Variants in SELENOS observed in about 807,000 individuals in gnomAD.
SELENOS encodes the protein selenoprotein S.
SELENOS carries 37 observed loss-of-function variants against 30.2 expected under a neutral mutation model. The observed-to-expected ratio is 1.23, with a 90% confidence interval of 0.94 to 1.61. SELENOS has a LOEUF of 1.61. Among genes scored for constraint, SELENOS ranks in the 40% most tolerant of loss-of-function variants. The pLI is 0.00. For synonymous variants in SELENOS, 119 were observed against 91.6 expected, an observed-to-expected ratio of 1.30 and a Z score of -1.71; for missense variants, 289 against 231.8, an observed-to-expected ratio of 1.25 and a Z score of -1.60.
intron 3 of SELENOS, 168 bp from the exon 4 acceptor site, chr15:101,274,849 A>AC: frequency 8.1e-6 from 6 of 740,046 alleles, no homozygotes; most frequent in Non-Finnish European, 1.3e-5. Flanking sequence ...TTTAACTCAC[A>AC]TAGAGCAGCT....
Position 101,277,360 on chromosome 15 carries a change from G to C in SELENOS, c.58C>G (p.Arg20Gly). ...ARPALETEGL[R>G]FLHTTVGSLL... Reference sequence around the variant, plus strand: ...GACTCACCCGTGGTGTGCAGGAAGCGCAGCCCCTCGGTCTCCAGGGCCGGC... The same window carrying C: ...GACTCACCCGTGGTGTGCAGGAAGCCCAGCCCCTCGGTCTCCAGGGCCGGC... The change falls in exon 1 of 6, where the codon CGC becomes GGC. Residue 20 changes from arginine (R) to glycine (G), a missense_variant. By Grantham distance (125) the Arg-to-Gly change is moderately radical. Transcript: ENST00000526049. The C allele has an allele frequency of 2.6e-6, 4 of 1,513,986 alleles. No individual in the cohort carries two copies. The highest frequency in any genetic ancestry group is 2.6e-6 in the Non-Finnish European group (3 of 1,138,836). 93.8% of individuals were successfully genotyped at this position (1,513,986 alleles called of 1,614,324 possible).
In SELENOS at chr15:101,275,470, G is replaced by A. The variant is rs1009871536; in HGVS notation, c.212-109C>T. On this transcript the variant is annotated intron_variant, in intron 2 of 5. Transcript: ENST00000526049. The stretch of plus-strand genomic sequence containing the variant: ...TAAAGAGGTATGGATATCAGACAAT[G>A]AAACAACATATTTTTACATAAGTAC... The A allele has an allele frequency of 1.9e-5, 17 of 896,254 alleles. No individual in the cohort carries two copies. The Admixed American group carries it at 2.6e-4, about 14-fold the overall frequency. 55.5% of individuals were successfully genotyped at this position (896,254 alleles called of 1,614,324 possible).
chr15:101,275,332 C>A lies in SELENOS; in HGVS notation c.241G>T (p.Ala81Ser). 6.3e-7 allele frequency: 1 copy of A among 1,581,786 alleles called. No individual in the cohort carries two copies. Among genetic ancestry groups the A allele is most frequent in the Non-Finnish European group, 8.6e-7 (1 of 1,163,026 alleles). ...EPDVVVKRQE[A>S]LAAARLKMQE... The stretch of plus-strand genomic sequence containing the variant: ...ATTTTCAGTCGAGCAGCTGCTAAAG[C>A]TTCTTGTCGTTTAACAACAACATCA... Residue 81 changes from alanine to serine, a missense_variant, in exon 3 of 6, where the codon GCT (alanine) becomes TCT (serine). Ala to Ser is a moderately conservative substitution (Grantham distance 99, BLOSUM62 1). Transcript: ENST00000526049.
At chr15:101,275,412 A>G (rs763293027) in intron 2 of SELENOS, 51 bp from the exon 3 acceptor site, 1 of 1,426,638 alleles carries the variant, frequency 7.0e-7, no homozygotes, top group African/African-American at 1.5e-5. Context: ...AATATAAAAT[A>G]GAAACTTTTG....
rs34035984 is a variant in SELENOS at position 101,276,242 on chromosome 15, CTTT to C, written c.211+296_211+298del. 8.9e-3 allele frequency among the ~76,000 whole-genome samples: 1,091 copies of C among 122,456 alleles called. 9 individuals carry two copies. Among genetic ancestry groups the C allele is most frequent in the South Asian group, 0.024 (94 of 3,898 alleles). The allele number at this position is 122,456 out of a possible 152,430, so 80.3% of individuals were successfully genotyped here. On this transcript the variant is annotated intron_variant, in intron 2 of 5. Transcript: ENST00000526049. ...CCCACCGAGAACCATATACTTCCTA[CTTT>C]TTTTTTTTTTTTTTTTTTAAAGACA... is the stretch of plus-strand genomic sequence containing the variant.
At chr15:101,277,143 C>A (rs763946171) in intron 1 of SELENOS, 199 bp downstream of exon 1, 2 of 916,992 alleles carry the variant, frequency 2.2e-6, no homozygotes, top group South Asian at 2.8e-5. Context: ...GACAGCCGAG[C>A]CGCCCAGGGA....
Position 101,276,651 on chromosome 15 carries a change from C to A in SELENOS, c.101G>T (p.Gly34Val), listed in dbSNP as rs760173967. ...GATGCAGCTGAAGACGATGTACCAGCCATAGGTGGCCAGCAGGGAGCCCAC... is the reference window on the plus strand; with the variant it reads ...GATGCAGCTGAAGACGATGTACCAGACATAGGTGGCCAGCAGGGAGCCCAC... ...TTVGSLLATY[G>V]WYIVFSCILL... Residue 34 changes from glycine to valine, a missense_variant, in exon 2 of 6, where the codon GGC becomes GTC. Gly to Val is a moderately radical substitution (Grantham distance 109). Coordinates refer to ENST00000526049, the MANE Select transcript of SELENOS (RefSeq NM_018445.6). 6.2e-7 allele frequency: 1 copy of A among 1,609,028 alleles called. No individual in the cohort carries two copies. The highest frequency in any genetic ancestry group is 8.5e-7 in the Non-Finnish European group (1 of 1,178,702).
Position 101,274,437 on chromosome 15 carries a change from T to A in SELENOS, c.467A>T (p.Lys156Met), listed in dbSNP as rs1171873526. 6.2e-7 allele frequency: 1 copy of A among 1,608,782 alleles called. No homozygotes were observed. The highest frequency in any genetic ancestry group is 8.5e-7 in the Non-Finnish European group (1 of 1,177,352). Residue 156 changes from lysine to methionine, a missense_variant, in exon 5 of 6, where the codon AAG becomes ATG. Lys to Met is a moderately conservative substitution (Grantham distance 95, BLOSUM62 -1). Transcript: ENST00000526049. ...SSVLKRKSDR[K>M]PLRGGGYNPL... Reference sequence around the variant, plus strand: ...GTGCTTACCTCCTCCCCGCAAAGGCTTTCTGTCCGATTTCCGTTTCAGGAC... The same window carrying A: ...GTGCTTACCTCCTCCCCGCAAAGGCATTCTGTCCGATTTCCGTTTCAGGAC...
chr15:101,276,305 G>C (rs1481872327), intron 2 of SELENOS: 1 of 293,060 alleles, frequency 3.4e-6, no homozygotes, highest in African/African-American at 2.4e-5. Flanking sequence ...GGAGTGTAGT[G>C]TGGCCCGAGC....
intron 3 of SELENOS, 149 bp downstream of exon 3, chr15:101,275,106 A>G (rs1230707374): frequency 9.3e-6 from 6 of 643,032 alleles, no homozygotes; most frequent in Non-Finnish European, 7.9e-6. Context: ...TATCACCAAT[A>G]CTTACATGGT....
Position 101,276,533 on chromosome 15 carries a change from G to A in SELENOS, c.211+8C>T. On this transcript the variant is annotated splice_region_variant and intron_variant, in intron 2 of 5. Transcript: ENST00000526049. ...CCACCGCTTTCATTTCGGTTATCAG[G>A]CACTAACCCACAGCAGCCGCAGCTC... 2.5e-6 allele frequency: 4 copies of A among 1,596,822 alleles called. No homozygotes were observed. Among genetic ancestry groups the A allele is most frequent in the Non-Finnish European group, 2.6e-6 (3 of 1,174,394 alleles).
rs761866475 is a variant in SELENOS at position 101,272,873 on chromosome 15, G to C, written c.485-17C>G. 2 of 1,593,860 alleles carry C rather than the reference G, an allele frequency of 1.3e-6. No homozygotes were observed. The highest frequency in any genetic ancestry group is 2.3e-5 in the South Asian group (2 of 87,760). On this transcript the variant is annotated splice_polypyrimidine_tract_variant and intron_variant, in intron 5 of 5. Transcript: ENST00000526049. The stretch of plus-strand genomic sequence containing the variant: ...GGTTATAACCTGGGAGGACAGAAAA[G>C]CAGCACAACAGTATTGATAAAAATC...
chr15:101,275,431 T>C (rs1045916381), intron 2 of SELENOS, 70 bp from the exon 3 acceptor site: 15 of 1,284,286 alleles, frequency 1.2e-5, no homozygotes, highest in East Asian at 5.3e-5. Flanking sequence ...TGAGTGTCCA[T>C]ATTATTAAAA....
intron 5 of SELENOS, among the ~76,000 whole-genome samples, chr15:101,273,592 T>C (rs1004535339): frequency 2.0e-5 from 3 of 152,184 alleles, no homozygotes; most frequent in South Asian, 2.1e-4. Context: ...ATCACCTCTA[T>C]GTGTCTAAAA....
At position 101,274,493 on chromosome 15, in the gene SELENOS, C is replaced by G; in HGVS notation, c.411G>C (p.Glu137Asp). 6.2e-7 allele frequency: 1 copy of G among 1,608,334 alleles called. No individual in the cohort carries two copies. The highest frequency in any genetic ancestry group is 1.1e-5 in the South Asian group (1 of 89,866). Residue 137 changes from glutamate to aspartate, a missense_variant and splice_region_variant, in exon 5 of 6, where the codon GAG becomes GAC. Transcript: ENST00000526049. ...AAGTGGAAGGCCCAGGACTGTCTTC[C>G]TCCTGTTTGAACACACACAGTAGTG... Reference protein sequence around the residue: ...SYKGNAKKPQEEDSPGPSTSS... With the variant: ...SYKGNAKKPQDEDSPGPSTSS...
At chr15:101,273,059 G>T (rs546629230) in intron 5 of SELENOS, among the ~76,000 whole-genome samples, 1 of 151,588 alleles carries the variant, frequency 6.6e-6, no homozygotes, top group East Asian at 1.9e-4. Flanking sequence ...TGATTGTCTG[G>T]TGGGGAAAAA....
chr15:101,274,557 C>T, intron 4 of SELENOS, 35 bp downstream of exon 4: 12 of 1,610,816 alleles, frequency 7.4e-6, no homozygotes, highest in Non-Finnish European at 1.0e-5. Context: ...CAATCTTCAT[C>T]TACCGCATGC....
intron 3 of SELENOS, chr15:101,274,991 T>G (rs1359641114): frequency 1.8e-6 from 1 of 565,268 alleles, no homozygotes; most frequent in Non-Finnish European, 3.1e-6. Flanking sequence ...ACACACACAC[T>G]CACATGCTCC....
rs1398706998 is a variant in SELENOS at position 101,274,637 on chromosome 15, G to A, written c.363C>T (p.Ser121=). Residue 121 remains serine, a synonymous_variant, in exon 4 of 6, where the codon AGC becomes AGT. Transcript: ENST00000526049. ...KRRQKIEMWD[S]MQEGKSYKGN... ...CTTTGTAACTTTTTCCTTCTTGCATGCTGTCCCACATTTCAATCTTCTGTC... is the reference window on the plus strand; with the variant it reads ...CTTTGTAACTTTTTCCTTCTTGCATACTGTCCCACATTTCAATCTTCTGTC... 6.2e-7 allele frequency: 1 copy of A among 1,613,582 alleles called. No individual in the cohort carries two copies. Among genetic ancestry groups the A allele is most frequent in the Non-Finnish European group, 8.5e-7 (1 of 1,179,800 alleles).
Sources: gnomAD v4.1 joint callset for allele counts (sites outside exome capture counted in the v4.1 genomes callset) on GRCh38, gnomAD v4.1.1 for gene constraint, MANE v1.5 for transcripts, NCBI Gene and HGNC (gene_info 2026-07-23, HGNC 2026-07-21) for gene names.